TCIRG1: variants seen among roughly 807,000 people sequenced by gnomAD.
TCIRG1 encodes T cell immune regulator 1, ATPase H+ transporting V0 subunit a3.
Under a neutral mutation model 95.5 loss-of-function variants are expected in TCIRG1, and 86 were observed. The observed-to-expected ratio is 0.90, with a 90% CI of 0.76 to 1.08. TCIRG1 has a LOEUF of 1.08. Among genes scored for constraint, TCIRG1 ranks in the 50% least tolerant of loss-of-function variants. The probability of loss-of-function intolerance (pLI) is 0.00; values close to 1 mark genes in which losing one functional copy is unlikely to be tolerated. For missense variants in TCIRG1, 1,069 were observed against 1,140.2 expected (o/e 0.94, Z 0.90); for synonymous variants, 499 against 501.3 (o/e 1.00, Z 0.06).
chr11:68,044,427 C>A, intron 9 of TCIRG1, 83 bp downstream of exon 9: 1 of 1,146,498 alleles, frequency 8.7e-7, no homozygotes, highest in Non-Finnish European at 1.3e-6. Flanking sequence ...CAGCCTCTGG[C>A]TCCCTGCACC....
At chr11:68,041,641 A>C (rs902261584) in intron 2 of TCIRG1, 112 bp from the exon 3 acceptor site, 18 of 914,530 alleles carry the variant, frequency 2.0e-5, no homozygotes, top group Non-Finnish European at 2.8e-5. Flanking sequence ...GGCACTCCAC[A>C]CCTTTCTGGA....
rs373037632 is a variant in TCIRG1, at chr11:68,050,881, C to T, written c.*62C>T. ...CTCTGAGGCAGGAGAGGAATAAAGA[C>T]GGTCCGCCCTGGCAGTGATGTCTCG... On this transcript the variant is annotated 3_prime_UTR_variant, in exon 20 of 20. Transcript: ENST00000265686. The T allele has an allele frequency of 1.6e-5, 25 of 1,564,408 alleles. No individual in the cohort carries two copies. The highest frequency in any genetic ancestry group is 8.4e-5 in the Admixed American group (5 of 59,408).
Position 68,043,803 on chromosome 11 carries a change from C to T in TCIRG1, c.714-11C>T, listed in dbSNP as rs370019546. The T allele has an allele frequency of 9.4e-4, 1,472 of 1,558,222 alleles. 14 individuals carry two copies. In the African/African-American group the frequency reaches 0.018, roughly 19 times the overall value. ...CCTTCTGGCCCCTCACGCAGCGCAT[C>T]CTCCCTCCAGCTTCCACTGCCACGT... is the stretch of plus-strand genomic sequence containing the variant. On this transcript the variant is annotated splice_polypyrimidine_tract_variant and intron_variant, in intron 7 of 19. Transcript: ENST00000265686.
chr11:68,044,777 TG>T, intron 9 of TCIRG1, 180 bp from the exon 10 acceptor site: 1 of 734,492 alleles, frequency 1.4e-6, no homozygotes, highest in Non-Finnish European at 2.2e-6. Flanking sequence ...CCAATCCATG[TG>T]GTGTCTTTGG....
At position 68,043,303 on chromosome 11, in the gene TCIRG1, C is replaced by G. The variant is rs1423615372; in HGVS notation, c.504-68C>G. The G allele has an allele frequency of 4.6e-6, 7 of 1,521,520 alleles. No homozygotes were observed. In the South Asian group the frequency reaches 7.3e-5, roughly 16 times the overall value. The allele number at this position is 1,521,520 out of a possible 1,614,324, so 94.3% of individuals were successfully genotyped here. A position where few individuals can be genotyped will look rare whatever the true frequency, so the allele number is the denominator to read the frequency against. ...TTGCCCGTGCTGGGCAGGGTCCTGC[C>G]CGGGGGGCCTGGTGGGGGAGGCAGG... On this transcript the variant is annotated intron_variant, in intron 5 of 19. Transcript: ENST00000265686.
At chr11:68,047,996 G>T (rs773376039) in intron 13 of TCIRG1, 24 bp downstream of exon 13, 22 of 1,605,566 alleles carry the variant, frequency 1.4e-5, no homozygotes, top group Non-Finnish European at 1.9e-5. Flanking sequence ...TGGAGTGTCC[G>T]TGGGTGGTGA....
rs373533170 is a variant in TCIRG1, at chr11:68,043,862, C to T, written c.762C>T (p.Leu254=). Reference sequence around the variant, plus strand: ...TTCTGCAGCAGGAGGAGGCCCGCCTCGGGGCCCTGCAGCAGCTGCAACAGC... The same window carrying T: ...TTCTGCAGCAGGAGGAGGCCCGCCTTGGGGCCCTGCAGCAGCTGCAACAGC... The part of the protein sequence containing the change: ...FPFLQQEEAR[L]GALQQLQQQS... Residue 254 remains leucine (L), a synonymous_variant, in exon 8 of 20, where the codon CTC becomes CTT. Coordinates refer to ENST00000265686, the MANE Select transcript of TCIRG1 (RefSeq NM_006019.4). 59 of 1,569,324 alleles carry T rather than the reference C, an allele frequency of 3.8e-5. No homozygotes were observed. Among genetic ancestry groups the T allele is most frequent in the Middle Eastern group, 3.3e-4 (2 of 5,986 alleles).
chr11:68,049,349 T>A (rs970372361), intron 15 of TCIRG1, 55 bp downstream of exon 15: 4 of 1,487,394 alleles, frequency 2.7e-6, no homozygotes, highest in Non-Finnish European at 3.7e-6. Context: ...GACCCCGCGG[T>A]CACAGGGCCA....
chr11:68,047,210 C>T (rs1204373419), intron 10 of TCIRG1, among the ~76,000 whole-genome samples: 2 of 140,970 alleles, frequency 1.4e-5, no homozygotes, highest in African/African-American at 5.4e-5. Context: ...AGGGTTTCAC[C>T]GTGTGGGCCA....
At position 68,049,159 on chromosome 11, in the gene TCIRG1, C is replaced by G. The variant is rs368424079; in HGVS notation, c.1752C>G (p.Leu584=). The change falls in exon 15 of 20, where the codon CTC becomes CTG. Residue 584 remains leucine, a synonymous_variant. Coordinates refer to ENST00000265686, the MANE Select transcript of TCIRG1 (RefSeq NM_006019.4). The part of the protein sequence containing the change: ...LTFLLGLFGY[L]VFLVIYKWLC... ...TCCTGCTGGGACTCTTCGGTTACCT[C>G]GTGTTCCTAGTCATCTACAAGTGGC... The G allele has an allele frequency of 4.3e-6, 7 of 1,613,978 alleles. No individual in the cohort carries two copies. The South Asian group carries it at 7.7e-5, about 18-fold the overall frequency.
rs1297024753 is a variant in TCIRG1, at chr11:68,047,458, C to T, written c.1191C>T (p.Pro397=). 1.2e-6 allele frequency: 2 copies of T among 1,614,092 alleles called. No individual in the cohort carries two copies. The highest frequency in any genetic ancestry group is 2.2e-5 in the East Asian group (1 of 44,880). The change falls in exon 11 of 20, where the codon CCC becomes CCT. Residue 397 remains proline (P), a synonymous_variant. Transcript: ENST00000265686. ...CTCCCTACACCATCATCACCTTCCC[C>T]TTCCTGTTTGCTGTGATGTTCGGGG... ...NPAPYTIITF[P]FLFAVMFGDV...
At chr11:68,042,341 C>G (rs111951311) in intron 3 of TCIRG1, among the ~76,000 whole-genome samples, 21 of 152,312 alleles carry the variant, frequency 1.4e-4, no homozygotes, top group African/African-American at 4.6e-4. Context: ...TTTCAATGAT[C>G]AGGCAGACAC....
intron 9 of TCIRG1, 135 bp downstream of exon 9, chr11:68,044,479 A>C: frequency 5.5e-6 from 4 of 732,872 alleles, no homozygotes; most frequent in Non-Finnish European, 9.3e-6. Context: ...AGCCTCCTCC[A>C]TGGCCCACCG....
At chr11:68,049,487 C>T (rs1006792834) in intron 15 of TCIRG1, 176 bp from the exon 16 acceptor site, 12 of 1,039,892 alleles carry the variant, frequency 1.2e-5, no homozygotes, top group Non-Finnish European at 1.7e-5. Flanking sequence ...CCGGGGGTCC[C>T]TTCCCTCAGG....
downstream of TCIRG1, chr11:68,052,161 C>CTGAT (rs1855818492): frequency 6.6e-6 from 1 of 152,220 alleles, no homozygotes; most frequent in African/African-American, 2.4e-5. Flanking sequence ...AGCTTATGGC[C>CTGAT]TGATGTAGAG....
chr11:68,044,678 C>T (rs916808039), intron 9 of TCIRG1: 15 of 592,178 alleles, frequency 2.5e-5, no homozygotes, highest in Non-Finnish European at 3.3e-5. Context: ...GGTCACCCGC[C>T]GCGCACAGCA....
At position 68,050,063 on chromosome 11, in the gene TCIRG1, C is replaced by T. The variant is rs769840926; in HGVS notation, c.2115C>T (p.Ala705=). 28 of 1,613,056 alleles carry T rather than the reference C, an allele frequency of 1.7e-5. No homozygotes were observed. The highest frequency in any genetic ancestry group is 2.2e-5 in the East Asian group (1 of 44,892). ...GGGGCCTGGATGATGAAGAGGAGGC[C>T]GAGGTGGGTGCAGTGCCTTCCTGGG... ...KAGGLDDEEE[A]ELVPSEVLMH... The change falls in exon 17 of 20, where the codon GCC becomes GCT. Residue 705 remains alanine (A), a synonymous_variant. Transcript: ENST00000265686.
At chr11:68,041,732 C>T in intron 2 of TCIRG1, 21 bp from the exon 3 acceptor site, 1 of 1,599,524 alleles carries the variant, frequency 6.3e-7, no homozygotes, top group Non-Finnish European at 8.5e-7. Flanking sequence ...GGACACTCAC[C>T]CCTCCGTGTG....
At position 68,050,233 on chromosome 11, in the gene TCIRG1, G is replaced by T; in HGVS notation, c.2215G>T (p.Ala739Ser). The T allele has an allele frequency of 6.2e-7, 1 of 1,613,246 alleles. No homozygotes were observed. ...CACCGCCTCCTACCTGCGCCTGTGG[G>T]CCCTGAGCCTGGCCCACGCCCGTGA... ...SNTASYLRLW[A>S]LSLAHAQLSE... The change falls in exon 18 of 20, where the codon GCC becomes TCC. Residue 739 changes from alanine to serine, a missense_variant. By Grantham distance (99) the Ala-to-Ser change is moderately conservative (BLOSUM62 1). Coordinates refer to ENST00000265686, the MANE Select transcript of TCIRG1 (RefSeq NM_006019.4).
Sources: allele counts gnomAD v4.1 joint callset (sites outside exome capture counted in the v4.1 genomes callset), GRCh38; gene constraint gnomAD v4.1.1; transcripts MANE v1.5; gene names NCBI Gene and HGNC (gene_info 2026-07-23, HGNC 2026-07-21).